Variants in C2CD5 observed in about 807,000 individuals in gnomAD.
The protein encoded by C2CD5 is C2 calcium dependent domain containing 5.
A neutral mutation model predicts 130.3 loss-of-function variants in C2CD5; 109 were observed. The ratio of observed to expected loss-of-function variants is 0.84; its 90% CI spans 0.72 to 0.98. The LOEUF is 0.98. C2CD5 is among the 50% of genes least tolerant of loss of function. The pLI, the probability that C2CD5 is intolerant of heterozygous loss-of-function variation, is 0.00. For missense variants in C2CD5, 996 were observed against 1,261.8 expected (o/e 0.79, Z 3.19); for synonymous variants, 454 against 429.2 (o/e 1.06, Z -0.71).
In C2CD5 at chr12:22,518,122, T is replaced by C. The variant is rs757159114; in HGVS notation, c.816A>G (p.Glu272=). The change falls in exon 8 of 27, where the codon GAA becomes GAG. Residue 272 remains glutamate (E), a synonymous_variant. Transcript: ENST00000446597. ...SKEMKEIPFN[E]DPNPNTHSSG... ...ATGAGTGAGTATTGGGATTGGGATC[T>C]TCATTGAAGGGAATCCTGCCAGAAG... The C allele has an allele frequency of 1.7e-5, 28 of 1,613,852 alleles. No homozygotes were observed. Among genetic ancestry groups the C allele is most frequent in the Non-Finnish European group, 2.4e-5 (28 of 1,179,824 alleles).
chr12:22,455,442 T>C (rs1273136347), intron 25 of C2CD5, among the ~76,000 whole-genome samples: 1 of 152,170 alleles, frequency 6.6e-6, no homozygotes, highest in African/African-American at 2.4e-5. Flanking sequence ...GGAGCTTAAG[T>C]AGTCAAGAAG....
At chr12:22,462,588 G>A (rs1403957424) in intron 22 of C2CD5, among the ~76,000 whole-genome samples, 1 of 152,158 alleles carries the variant, frequency 6.6e-6, no homozygotes, top group Non-Finnish European at 1.5e-5. Context: ...CAGCTCAGTG[G>A]AAATGAGCAT....
At chr12:22,514,900 A>G (rs1949559961) in intron 8 of C2CD5, 2 of 800,088 alleles carry the variant, frequency 2.5e-6, no homozygotes, top group African/African-American at 3.7e-5. Flanking sequence ...AAAATACCCA[A>G]TAATTTTTTA....
chr12:22,453,555 A>G (rs1320143773), intron 26 of C2CD5, among the ~76,000 whole-genome samples: 1 of 152,150 alleles, frequency 6.6e-6, no homozygotes, highest in African/African-American at 2.4e-5. Context: ...CTGAAACTGG[A>G]CAGCATCATA....
chr12:22,461,291 T>C (rs537793429), intron 22 of C2CD5, among the ~76,000 whole-genome samples: 13 of 152,312 alleles, frequency 8.5e-5, no homozygotes, highest in African/African-American at 3.1e-4. Context: ...TTACAGAACA[T>C]ATAGCTGGCA....
At chr12:22,502,841 G>A (rs1169202449) in intron 10 of C2CD5, 1 of 1,222,760 alleles carries the variant, frequency 8.2e-7, no homozygotes, top group East Asian at 2.5e-5. Context: ...ATCAGTTTTA[G>A]GTGCAGAATA....
Position 22,520,970 on chromosome 12 carries a change from T to G in C2CD5, c.800+2456A>C, listed in dbSNP as rs184595410. Among the ~76,000 whole-genome samples, 5 of 152,282 alleles carry G rather than the reference T, an allele frequency of 3.3e-5. No individual in the cohort carries two copies. In the East Asian group the frequency reaches 5.8e-4, roughly 18 times the overall value. On this transcript the variant is annotated intron_variant, in intron 7 of 26. Transcript: ENST00000446597. ...CAAATACACTGGAACATCACCATAA[T>G]GTACTCTTGGAGTTTTCTGATTCGA...
At chr12:22,462,185 C>A (rs953635589) in intron 22 of C2CD5, among the ~76,000 whole-genome samples, 1 of 152,176 alleles carries the variant, frequency 6.6e-6, no homozygotes, top group Non-Finnish European at 1.5e-5. Context: ...CAACATAGTT[C>A]ATTATTCAAG....
At chr12:22,514,008 A>G (rs992599980) in intron 8 of C2CD5, among the ~76,000 whole-genome samples, 1 of 152,202 alleles carries the variant, frequency 6.6e-6, no homozygotes, top group Admixed American at 6.5e-5. Context: ...TGTAATAGAC[A>G]CATCACAAAT....
intron 4 of C2CD5, among the ~76,000 whole-genome samples, chr12:22,526,340 A>G (rs1270397185): frequency 6.6e-6 from 1 of 152,190 alleles, no homozygotes; most frequent in African/African-American, 2.4e-5. Context: ...CTTTACAGGT[A>G]GTATCTCAGA....
At chr12:22,498,276 G>C (rs1947312757) in intron 10 of C2CD5, among the ~76,000 whole-genome samples, 1 of 152,032 alleles carries the variant, frequency 6.6e-6, no homozygotes, top group East Asian at 1.9e-4. Flanking sequence ...GTGTGTACAG[G>C]ACGTCTGCCT....
chr12:22,464,493 T>G (rs1007806987), intron 22 of C2CD5, among the ~76,000 whole-genome samples: 3 of 152,196 alleles, frequency 2.0e-5, no homozygotes, highest in Admixed American at 6.5e-5. Flanking sequence ...CAAGCTGCCT[T>G]GAAGAAGCCA....
At chr12:22,492,023 T>C (rs1307050134) in intron 11 of C2CD5, among the ~76,000 whole-genome samples, 2 of 152,160 alleles carry the variant, frequency 1.3e-5, no homozygotes, top group African/African-American at 4.8e-5. Context: ...GAACCGCTAC[T>C]ATGGGAATAA....
At chr12:22,455,861 T>G (rs1487613089) in intron 25 of C2CD5, among the ~76,000 whole-genome samples, 2 of 151,992 alleles carry the variant, frequency 1.3e-5, no homozygotes, top group Non-Finnish European at 2.9e-5. Flanking sequence ...ATTTTTGTAT[T>G]TATAGTAGAG....
intron 10 of C2CD5, among the ~76,000 whole-genome samples, chr12:22,500,566 A>T (rs1312535106): frequency 1.3e-5 from 2 of 152,126 alleles, no homozygotes; most frequent in African/African-American, 4.8e-5. Flanking sequence ...ACCATACCAC[A>T]CAGTAAATTA....
intron 8 of C2CD5, among the ~76,000 whole-genome samples, chr12:22,513,887 C>T (rs1030141948): frequency 1.3e-5 from 2 of 152,070 alleles, no homozygotes; most frequent in African/African-American, 4.8e-5. Context: ...TTTCTTATAA[C>T]TTCCCATTTC....
intron 8 of C2CD5, among the ~76,000 whole-genome samples, chr12:22,516,260 G>T (rs554747309): frequency 6.6e-6 from 1 of 151,890 alleles, no homozygotes; most frequent in South Asian, 2.1e-4. Flanking sequence ...GCCATTTGAA[G>T]TCTCCATGAG....
intron 12 of C2CD5, among the ~76,000 whole-genome samples, chr12:22,489,316 G>GTATA (rs570249488): frequency 1.3e-5 from 2 of 149,686 alleles, no homozygotes; most frequent in East Asian, 1.9e-4. Flanking sequence ...TTATATATGT[G>GTATA]TATATATATA....
chr12:22,540,694 A>T (rs1196079771), intron 2 of C2CD5, among the ~76,000 whole-genome samples: 2 of 152,176 alleles, frequency 1.3e-5, no homozygotes, highest in African/African-American at 2.4e-5. Context: ...CCCCGTCGCT[A>T]CTAAAAATAC....
Sources: allele counts gnomAD v4.1 joint callset (sites outside exome capture counted in the v4.1 genomes callset), GRCh38; gene constraint gnomAD v4.1.1; transcripts MANE v1.5; gene names NCBI Gene and HGNC (gene_info 2026-07-23, HGNC 2026-07-21).